The following GUF1 variants were observed in gnomAD, a reference collection of about 807,000 sequenced individuals.
The protein encoded by GUF1 is GTP binding elongation factor GUF1.
A neutral mutation model predicts 82.4 loss-of-function variants in GUF1; 78 were observed. The ratio of observed to expected loss-of-function variants is 0.95; its 90% CI spans 0.79 to 1.14. The LOEUF (loss-of-function observed/expected upper bound fraction) is 1.14. Among genes scored for constraint, GUF1 ranks in the 50% most tolerant of loss-of-function variants. The pLI, the probability that GUF1 is intolerant of heterozygous loss-of-function variation, is 0.00. For synonymous variants in GUF1, 279 were observed against 282.3 expected, an observed-to-expected ratio of 0.99 and a Z score of 0.12; for missense variants, 814 against 798.2, an observed-to-expected ratio of 1.02 and a Z score of -0.24.
chr4:44,693,875 T>C (rs73181404), intron 13 of GUF1: 2,029 of 156,568 alleles, frequency 0.013, 45 homozygotes, highest in African/African-American at 0.047. Context: ...CTCTAATTGG[T>C]TTACATGTAT....
chr4:44,681,070 C>T, intron 3 of GUF1, 53 bp from the exon 4 acceptor site: 1 of 1,479,954 alleles, frequency 6.8e-7, no homozygotes, highest in African/African-American at 1.4e-5. Flanking sequence ...CCATAATGCT[C>T]TTTCCTAAAA....
chr4:44,690,039 G>A lies in GUF1; in HGVS notation c.1335+64G>A, dbSNP rs1715335741. The A allele has an allele frequency of 3.9e-6, 5 of 1,293,718 alleles. No individual in the cohort carries two copies. In the South Asian group the frequency reaches 5.2e-5, roughly 13 times the overall value. The allele number at this position is 1,293,718 out of a possible 1,614,324, so 80.1% of individuals were successfully genotyped here. A position where few individuals can be genotyped will look rare whatever the true frequency, so the allele number is the denominator to read the frequency against. On this transcript the variant is annotated intron_variant, in intron 11 of 16. Coordinates refer to ENST00000281543, the MANE Select transcript of GUF1 (RefSeq NM_021927.3). The stretch of plus-strand genomic sequence containing the variant: ...CATTAGTCTCTTGGAAAAAATAAAT[G>A]TGTGTATATACAATGCAGGAGAAGC...
intron 1 of GUF1, 110 bp from the exon 2 acceptor site, chr4:44,680,331 A>G: frequency 1.8e-6 from 1 of 571,020 alleles, no homozygotes; most frequent in Non-Finnish European, 3.1e-6. Flanking sequence ...AACAATATAA[A>G]TGCTAGAAAT....
Position 44,700,746 on chromosome 4 carries a change from G to A in GUF1, c.*2065G>A, listed in dbSNP as rs569563924. On this transcript the variant is annotated 3_prime_UTR_variant, in exon 17 of 17. Transcript: ENST00000281543. ...TGAAATCATTTTAATTATAAATTAA[G>A]TGGAGATTTACTTAAAATCATGTGT... 1 of 152,264 alleles carries A rather than the reference G, an allele frequency of 6.6e-6. No homozygotes were observed. The highest frequency in any genetic ancestry group is 1.9e-4 in the East Asian group (1 of 5,180). The allele number at this position is 152,264 out of a possible 1,614,324, so 9.4% of individuals were successfully genotyped here. A position where few individuals can be genotyped will look rare whatever the true frequency, so the allele number is the denominator to read the frequency against.
intron 1 of GUF1, among the ~76,000 whole-genome samples, chr4:44,679,690 A>G (rs1714652691): frequency 6.6e-6 from 1 of 152,120 alleles, no homozygotes; most frequent in South Asian, 2.1e-4. Flanking sequence ...CTATTAAAAA[A>G]CAAAGCTCAC....
intron 13 of GUF1, 190 bp from the exon 14 acceptor site, chr4:44,694,222 A>T: frequency 1.9e-6 from 1 of 520,252 alleles, no homozygotes. Context: ...TTTGCCCTTG[A>T]TTTAATAAAC....
chr4:44,689,919 T>C lies in GUF1; in HGVS notation c.1279T>C (p.Leu427=), dbSNP rs1293932434. The part of the protein sequence containing the change: ...LEQEYNASVI[L]TTPTVPYKAV... ...GCAAGAATATAATGCTTCTGTTATT[T>C]TAACAACCCCTACTGTTCCATATAA... is the stretch of plus-strand genomic sequence containing the variant. Residue 427 remains leucine (L), a synonymous_variant, in exon 11 of 17, where the codon TTA becomes CTA. Transcript: ENST00000281543. 2 of 1,609,066 alleles carry C rather than the reference T, an allele frequency of 1.2e-6. No individual in the cohort carries two copies. The highest frequency in any genetic ancestry group is 2.2e-5 in the East Asian group (1 of 44,768).
chr4:44,679,098 A>G (rs1714618689), intron 1 of GUF1, among the ~76,000 whole-genome samples: 1 of 152,230 alleles, frequency 6.6e-6, no homozygotes, highest in Non-Finnish European at 1.5e-5. Flanking sequence ...AAGCCTACTA[A>G]GCAAGTTGCT....
intron 11 of GUF1, 80 bp downstream of exon 11, chr4:44,690,055 C>A (rs951052531): frequency 1.9e-6 from 2 of 1,046,904 alleles, no homozygotes; most frequent in Non-Finnish European, 1.3e-6. Context: ...ATATACAATG[C>A]AGGAGAAGCT....
chr4:44,682,343 G>A lies in GUF1; in HGVS notation c.517G>A (p.Ala173Thr), dbSNP rs1163773467. ...ATCTTGATATTTTCAGGGAATTCAA[G>A]CCCAAACTGTAGCAAACTTCTTTCT... is the stretch of plus-strand genomic sequence containing the variant. ...LVVDANEGIQ[A>T]QTVANFFLAF... Residue 173 changes from alanine to threonine, a missense_variant, in exon 5 of 17, where the codon GCC becomes ACC. Coordinates refer to ENST00000281543, the MANE Select transcript of GUF1 (RefSeq NM_021927.3). 3.9e-6 allele frequency: 6 copies of A among 1,527,634 alleles called. No individual in the cohort carries two copies. The highest frequency in any genetic ancestry group is 5.3e-6 in the Non-Finnish European group (6 of 1,137,960). The allele number at this position is 1,527,634 out of a possible 1,614,324, so 94.6% of individuals were successfully genotyped here. A position where few individuals can be genotyped will look rare whatever the true frequency, so the allele number is the denominator to read the frequency against.
At position 44,678,547 on chromosome 4, in the gene GUF1, G is replaced by C. The variant is rs1577758923; in HGVS notation, c.-76G>C. The C allele has an allele frequency of 1.5e-5, 18 of 1,190,536 alleles. No individual in the cohort carries two copies. Among genetic ancestry groups the C allele is most frequent in the Non-Finnish European group, 2.0e-5 (18 of 898,280 alleles). The allele number at this position is 1,190,536 out of a possible 1,614,324, so 73.7% of individuals were successfully genotyped here. ...GTCCTGTCCACCGGATCCTACGGGG[G>C]GTACCTTCGAAAAAAAACGGGCTAT... On this transcript the variant is annotated 5_prime_UTR_variant, in exon 1 of 17. Transcript: ENST00000281543.
At chr4:44,684,747 A>G (rs931716900) in intron 6 of GUF1, among the ~76,000 whole-genome samples, 1 of 152,168 alleles carries the variant, frequency 6.6e-6, no homozygotes, top group Admixed American at 6.5e-5. Context: ...CCTCCATTTC[A>G]TACTTTAAAA....
intron 4 of GUF1, 42 bp downstream of exon 4, chr4:44,681,245 A>G (rs776154691): frequency 6.5e-6 from 9 of 1,378,510 alleles, no homozygotes; most frequent in East Asian, 4.6e-5. Flanking sequence ...TGACATGACT[A>G]TTTGGTTGTT....
chr4:44,685,921 A>C, intron 6 of GUF1, 38 bp from the exon 7 acceptor site: 1 of 1,419,560 alleles, frequency 7.0e-7, no homozygotes, highest in Non-Finnish European at 9.9e-7. Flanking sequence ...TATAGTCTTA[A>C]CTTTAAATGC....
At chr4:44,684,927 G>A (rs1272597585) in intron 6 of GUF1, among the ~76,000 whole-genome samples, 1 of 152,116 alleles carries the variant, frequency 6.6e-6, no homozygotes, top group African/African-American at 2.4e-5. Flanking sequence ...ATGTTAAGCT[G>A]TTCTGTATAT....
At chr4:44,690,076 C>A in intron 11 of GUF1, 101 bp downstream of exon 11, 1 of 747,066 alleles carries the variant, frequency 1.3e-6, no homozygotes, top group Non-Finnish European at 2.0e-6. Flanking sequence ...TTTTACTATA[C>A]CAATAGCTGA....
chr4:44,689,952 C>A lies in GUF1; in HGVS notation c.1312C>A (p.Leu438Met). 1 of 1,581,900 alleles carries A rather than the reference C, an allele frequency of 6.3e-7. No individual in the cohort carries two copies. Among genetic ancestry groups the A allele is most frequent in the East Asian group, 2.3e-5 (1 of 44,376 alleles). ...TTPTVPYKAV[L>M]SSSKLIKEHR... Reference sequence around the variant, plus strand: ...CCCTACTGTTCCATATAAAGCTGTACTGTCATCATCAAAATTGATAAAGGT... The same window carrying A: ...CCCTACTGTTCCATATAAAGCTGTAATGTCATCATCAAAATTGATAAAGGT... Residue 438 changes from leucine (L) to methionine (M), a missense_variant, in exon 11 of 17, where the codon CTG (leucine) becomes ATG (methionine). Transcript: ENST00000281543.
rs757370515 is a variant in GUF1 at position 44,680,846 on chromosome 4, A to C, written c.426+4A>C. ...TTTAAATCTCATTGATACACCGGTA[A>C]GTTTAATATTAATTTTGCATGTATT... On this transcript the variant is annotated splice_donor_region_variant and intron_variant, in intron 3 of 16. Transcript: ENST00000281543. 5.6e-6 allele frequency: 9 copies of C among 1,597,094 alleles called. No homozygotes were observed. In the South Asian group the frequency reaches 1.0e-4, roughly 18 times the overall value.
chr4:44,679,756 T>A (rs1239540771), intron 1 of GUF1, among the ~76,000 whole-genome samples: 1 of 139,716 alleles, frequency 7.2e-6, no homozygotes, highest in East Asian at 2.0e-4. Context: ...AAATATGCAG[T>A]TGATTGGAAA....
Sources: gnomAD v4.1 joint callset for allele counts (sites outside exome capture counted in the v4.1 genomes callset) on GRCh38, gnomAD v4.1.1 for gene constraint, MANE v1.5 for transcripts, NCBI Gene and HGNC (gene_info 2026-07-23, HGNC 2026-07-21) for gene names.